The following APC2 variants were observed in gnomAD, a reference collection of about 807,000 sequenced individuals.
The protein encoded by APC2 is adenomatous polyposis coli protein 2.
A neutral mutation model predicts 72.5 loss-of-function variants in APC2; 41 were observed. That is an observed-to-expected ratio of 0.57 (90% confidence interval 0.44 to 0.73). The LOEUF (loss-of-function observed/expected upper bound fraction) is 0.73, where lower values mean the gene tolerates loss of function less well. APC2 is among the 30% of genes least tolerant of loss of function. The pLI is 0.00. For synonymous variants in APC2, 1,898 were observed against 1,612.0 expected (o/e 1.18, Z -4.25); for missense variants, 3,729 against 3,403.4 (o/e 1.10, Z -2.38).
In APC2 at chr19:1,465,404, G is replaced by A. The variant is rs765195643; in HGVS notation, c.2103G>A (p.Lys701=). 10 of 1,555,122 alleles carry A rather than the reference G, an allele frequency of 6.4e-6. No individual in the cohort carries two copies. In the South Asian group the frequency reaches 1.2e-4, roughly 18 times the overall value. The change falls in exon 15 of 15, where the codon AAG becomes AAA. Residue 701 remains lysine, a synonymous_variant. Transcript: ENST00000590469. ...ACCTGCTGGCCCATCGGCCCGCCAA[G>A]CACCAGGCGGCCGCCACCGCCGTGT... ...LRNLLAHRPA[K]HQAAATAVSP...
chr19:1,458,531 G>C (rs1443606389), intron 10 of APC2: 1 of 158,706 alleles, frequency 6.3e-6, no homozygotes, highest in African/African-American at 2.4e-5. Context: ...TCAGAAGTTC[G>C]AGACCAGGCT....
intron 10 of APC2, chr19:1,458,576 A>G (rs1490387455): frequency 6.4e-6 from 1 of 156,432 alleles, no homozygotes; most frequent in Non-Finnish European, 1.4e-5. Flanking sequence ...ACTACAAAAA[A>G]AAAATTAGTC....
Position 1,468,694 on chromosome 19 carries a change from G to T in APC2, c.5393G>T (p.Ser1798Ile). The change falls in exon 15 of 15, where the codon AGC becomes ATC. Residue 1798 changes from serine to isoleucine, a missense_variant. Transcript: ENST00000590469. ...LRGRTVIYVP[S>I]PAPRAQPKGT... Reference sequence around the variant, plus strand: ...GGACGAACAGTGATCTACGTCCCCAGCCCGGCACCCCGTGCCCAGCCCAAA... The same window carrying T: ...GGACGAACAGTGATCTACGTCCCCATCCCGGCACCCCGTGCCCAGCCCAAA... 1 of 1,548,512 alleles carries T rather than the reference G, an allele frequency of 6.5e-7. No homozygotes were observed. The highest frequency in any genetic ancestry group is 2.4e-5 in the East Asian group (1 of 41,474).
chr19:1,452,359 G>A lies in APC2; in HGVS notation c.-18-625G>A. The A allele has an allele frequency of 6.4e-6, 1 of 156,196 alleles. No homozygotes were observed. The highest frequency in any genetic ancestry group is 1.9e-4 in the East Asian group (1 of 5,220). The allele number at this position is 156,196 out of a possible 1,614,324, so 9.7% of individuals were successfully genotyped here. A position where few individuals can be genotyped will look rare whatever the true frequency, so the allele number is the denominator to read the frequency against. ...TCAGCCACCGATGGAGGGTCGTGGG[G>A]CTGCTGCGGTGATGGCGGTGGGCTT... On this transcript the variant is annotated intron_variant, in intron 1 of 14. Transcript: ENST00000590469. The surrounding 1 kb of genome is among the most constrained non-coding windows in gnomAD (Gnocchi z 5.1).
intron 4 of APC2, among the ~76,000 whole-genome samples, 197 bp from the exon 5 acceptor site, chr19:1,454,947 CTTTAA>C (rs1369580196): frequency 6.6e-6 from 1 of 151,310 alleles, no homozygotes; most frequent in African/African-American, 2.4e-5. Context: ...GTTTTCTCTC[CTTTAA>C]TTTTTTTGCA....
Position 1,468,411 on chromosome 19 carries a change from G to A in APC2, c.5110G>A (p.Ala1704Thr). 4.4e-6 allele frequency: 7 copies of A among 1,589,864 alleles called. No homozygotes were observed. Among genetic ancestry groups the A allele is most frequent in the Non-Finnish European group, 6.0e-6 (7 of 1,168,950 alleles). ...AATTGTCACGTGGCTGCACCAGGCAGCAGCTGCCACGCGGGAGGCCTCGTC... is the reference window on the plus strand; with the variant it reads ...AATTGTCACGTGGCTGCACCAGGCAACAGCTGCCACGCGGGAGGCCTCGTC... The part of the protein sequence containing the change: ...NSIVTWLHQA[A>T]AATREASSES... Residue 1704 changes from alanine (A) to threonine (T), a missense_variant, in exon 15 of 15, where the codon GCA (alanine) becomes ACA (threonine). By Grantham distance (58) the Ala-to-Thr change is moderately conservative. Coordinates refer to ENST00000590469, the MANE Select transcript of APC2 (RefSeq NM_005883.3).
Position 1,467,231 on chromosome 19 carries a change from C to T in APC2, c.3930C>T (p.Gly1310=), listed in dbSNP as rs1042109115. The T allele has an allele frequency of 7.3e-7, 1 of 1,364,728 alleles. No individual in the cohort carries two copies. Among genetic ancestry groups the T allele is most frequent in the Non-Finnish European group, 9.4e-7 (1 of 1,064,172 alleles). The allele number at this position is 1,364,728 out of a possible 1,614,324, so 84.5% of individuals were successfully genotyped here. A position where few individuals can be genotyped will look rare whatever the true frequency, so the allele number is the denominator to read the frequency against. The change falls in exon 15 of 15, where the codon GGC becomes GGT. Residue 1310 remains glycine (G), a synonymous_variant. Coordinates refer to ENST00000590469, the MANE Select transcript of APC2 (RefSeq NM_005883.3). ...ACPERGGGAG[G]AGLHFAGHRR... ...CCGAGCGCGGCGGGGGCGCCGGGGG[C>T]GCCGGCCTCCACTTTGCAGGGCACC...
At position 1,453,475 on chromosome 19, in the gene APC2, C is replaced by G; in HGVS notation, c.277C>G (p.Pro93Ala). The G allele has an allele frequency of 5.0e-6, 8 of 1,602,906 alleles. No homozygotes were observed. The highest frequency in any genetic ancestry group is 6.8e-6 in the Non-Finnish European group (8 of 1,173,102). The part of the protein sequence containing the change: ...ITSLYNLKFQ[P>A]PTLGPEPAAR... ...CAGCCTGTACAACCTCAAGTTCCAG[C>G]CGCCCACCCTGGGCCCGGAGCCTGC... The change falls in exon 4 of 15, where the codon CCG becomes GCG. Residue 93 changes from proline (P) to alanine (A), a missense_variant. Physicochemically the swap from Pro to Ala is conservative, Grantham distance 27 (BLOSUM62 -1). Transcript: ENST00000590469.
Position 1,466,183 on chromosome 19 carries a change from A to T in APC2, c.2882A>T (p.Gln961Leu). The T allele has an allele frequency of 6.4e-7, 1 of 1,560,948 alleles. No homozygotes were observed. Among genetic ancestry groups the T allele is most frequent in the Non-Finnish European group, 8.6e-7 (1 of 1,164,194 alleles). Reference sequence around the variant, plus strand: ...CGCCGCGAGGACCCCAGGTGTGGGCAGCCTCGGCCCAGCCGGCTTGACCTT... The same window carrying T: ...CGCCGCGAGGACCCCAGGTGTGGGCTGCCTCGGCCCAGCCGGCTTGACCTT... Reference protein sequence around the residue: ...ASRREDPRCGQPRPSRLDLDL... With the variant: ...ASRREDPRCGLPRPSRLDLDL... The change falls in exon 15 of 15, where the codon CAG becomes CTG. Residue 961 changes from glutamine to leucine, a missense_variant. Gln to Leu is a moderately radical substitution (Grantham distance 113). Transcript: ENST00000590469.
chr19:1,446,433 G>T (rs1470055491), upstream of APC2: 6 of 938,532 alleles, frequency 6.4e-6, no homozygotes, highest in East Asian at 3.5e-4. This position sits in a 1 kb window ranked among gnomAD's most constrained non-coding sequence, Gnocchi z 6.1. Context: ...GCGCGGCGGC[G>T]GGGGGCGCAT....
chr19:1,468,976 C>T lies in APC2; in HGVS notation c.5675C>T (p.Pro1892Leu), dbSNP rs745322112. 8 of 1,560,578 alleles carry T rather than the reference C, an allele frequency of 5.1e-6. No individual in the cohort carries two copies. The highest frequency in any genetic ancestry group is 1.8e-5 in the Admixed American group (1 of 54,956). ...CAGCCCCTGCCCAGAAAGCGCCCCC[C>T]GGTCACCCAGGCTGCTGGGGCCCTG... ...ASQPLPRKRPPVTQAAGALPG... is the reference protein window; with the variant it reads ...ASQPLPRKRPLVTQAAGALPG... The change falls in exon 15 of 15, where the codon CCG (proline) becomes CTG (leucine). Residue 1892 changes from proline to leucine, a missense_variant. Pro to Leu is a moderately conservative substitution (Grantham distance 98). Transcript: ENST00000590469.
In APC2 at chr19:1,455,458, G is replaced by A. The variant is rs763602620; in HGVS notation, c.597G>A (p.Glu199=). Reference sequence around the variant, plus strand: ...CCCAGCACATCCGCTCGCTGATGGAGGAGCGCTTCGGCACCTCGGACGAGA... The same window carrying A: ...CCCAGCACATCCGCTCGCTGATGGAAGAGCGCTTCGGCACCTCGGACGAGA... ...FEAQHIRSLM[E]ERFGTSDEMV... is the part of the protein sequence containing the mutation. Residue 199 remains glutamate, a synonymous_variant, in exon 6 of 15, where the codon GAG becomes GAA. Transcript: ENST00000590469. 1 of 1,605,656 alleles carries A rather than the reference G, an allele frequency of 6.2e-7. No homozygotes were observed. The highest frequency in any genetic ancestry group is 8.5e-7 in the Non-Finnish European group (1 of 1,176,588).
chr19:1,462,946 G>A (rs1031860011), intron 14 of APC2, among the ~76,000 whole-genome samples: 7 of 148,894 alleles, frequency 4.7e-5, no homozygotes, highest in African/African-American at 1.8e-4. Flanking sequence ...ACTCCAGATT[G>A]GGCGACAGAG....
chr19:1,464,291 A>G (rs968437349), intron 14 of APC2, among the ~76,000 whole-genome samples: 4 of 152,172 alleles, frequency 2.6e-5, no homozygotes, highest in Admixed American at 6.5e-5. Context: ...CCTGGGTAAC[A>G]AGAGTGAAAC....
intron 13 of APC2, chr19:1,461,695 A>G: frequency 2.1e-6 from 1 of 471,354 alleles, no homozygotes; most frequent in Non-Finnish European, 3.8e-6. Flanking sequence ...TACTAAAAAT[A>G]CAAAAAATTA....
At position 1,467,553 on chromosome 19, in the gene APC2, C is replaced by A; in HGVS notation, c.4252C>A (p.Gln1418Lys). 6.6e-7 allele frequency: 1 copy of A among 1,508,222 alleles called. No individual in the cohort carries two copies. The highest frequency in any genetic ancestry group is 8.8e-7 in the Non-Finnish European group (1 of 1,134,500). The allele number at this position is 1,508,222 out of a possible 1,614,324, so 93.4% of individuals were successfully genotyped here. ...DETLQGPPRDQPGGPAGRQRP... is the reference protein window; with the variant it reads ...DETLQGPPRDKPGGPAGRQRP... ...GACGCTGCAGGGACCCCCCAGGGAC[C>A]AGCCCGGGGGACCAGCGGGCAGGCA... Residue 1418 changes from glutamine (Q) to lysine (K), a missense_variant, in exon 15 of 15, where the codon CAG (glutamine) becomes AAG (lysine). Transcript: ENST00000590469.
Position 1,455,206 on chromosome 19 carries a change from T to G in APC2, c.471T>G (p.Ser157=). 3 of 1,583,454 alleles carry G rather than the reference T, an allele frequency of 1.9e-6. No homozygotes were observed. The highest frequency in any genetic ancestry group is 2.6e-6 in the Non-Finnish European group (3 of 1,171,906). Residue 157 remains serine (S), a synonymous_variant, in exon 5 of 15, where the codon TCT becomes TCG. Transcript: ENST00000590469. ...KEEKEKLWYY[S]QLQGLSKRLD... The stretch of plus-strand genomic sequence containing the variant: ...AGAAGGAGAAGCTCTGGTACTACTC[T>G]CAGCTGCAGGGCCTGTCCAAGCGCC...
At chr19:1,461,771 G>C (rs1599147239) in intron 13 of APC2, 192 bp from the exon 14 acceptor site, 1 of 580,394 alleles carries the variant, frequency 1.7e-6, no homozygotes, top group East Asian at 2.9e-5. Context: ...AGAATCGCTT[G>C]AACTGGGGAG....
chr19:1,456,058 T>C lies in APC2; in HGVS notation c.640-18T>C, dbSNP rs573256240. The C allele has an allele frequency of 4.5e-6, 7 of 1,546,200 alleles. No homozygotes were observed. The East Asian group carries it at 1.2e-4, about 27-fold the overall frequency. On this transcript the variant is annotated intron_variant, in intron 6 of 14. Coordinates refer to ENST00000590469, the MANE Select transcript of APC2 (RefSeq NM_005883.3). Reference sequence around the variant, plus strand: ...GCGGGGTCAGCTCCAGCACTTGCCCTCGTGTGGTCCTGAGCAGATCCGCGC... The same window carrying C: ...GCGGGGTCAGCTCCAGCACTTGCCCCCGTGTGGTCCTGAGCAGATCCGCGC...
Sources: allele counts gnomAD v4.1 joint callset (sites outside exome capture counted in the v4.1 genomes callset), GRCh38; gene constraint gnomAD v4.1.1; non-coding constraint Gnocchi (gnomAD v3.1); transcripts MANE v1.5; gene names NCBI Gene and HGNC (gene_info 2026-07-23, HGNC 2026-07-21).